CLDN18: variants seen among roughly 807,000 people sequenced by gnomAD.
The protein encoded by CLDN18 is claudin-18.
CLDN18 carries 20 observed loss-of-function variants against 25.0 expected under a neutral mutation model. That is an observed-to-expected ratio of 0.80 (90% confidence interval 0.56 to 1.16). CLDN18 has a LOEUF of 1.16. CLDN18 is among the 50% of genes most tolerant of loss of function. CLDN18 has a pLI of 0.00. For missense variants in CLDN18, 297 were observed against 345.4 expected, an observed-to-expected ratio of 0.86 and a Z score of 1.11; for synonymous variants, 125 against 135.6, an observed-to-expected ratio of 0.92 and a Z score of 0.54.
chr3:137,999,903 A>G (rs558817890), intron 1 of CLDN18, among the ~76,000 whole-genome samples: 9 of 152,356 alleles, frequency 5.9e-5, no homozygotes, highest in Non-Finnish European at 1.3e-4. Context: ...TAAGAGAGTA[A>G]GACAATGAAT....
At chr3:138,018,410 C>T (rs1942234041) in intron 1 of CLDN18, among the ~76,000 whole-genome samples, 2 of 146,580 alleles carry the variant, frequency 1.4e-5, no homozygotes, top group Non-Finnish European at 3.0e-5. Flanking sequence ...GATCTCGGCT[C>T]ACTGCAAGCT....
At chr3:138,027,859 A>G (rs1439236479) in intron 3 of CLDN18, among the ~76,000 whole-genome samples, 1 of 152,152 alleles carries the variant, frequency 6.6e-6, no homozygotes, top group African/African-American at 2.4e-5. Context: ...TCCCAGCCAC[A>G]CTGGGTAGGA....
At chr3:138,010,487 T>C in intron 1 of CLDN18, 42 bp downstream of exon 1, 1 of 1,609,860 alleles carries the variant, frequency 6.2e-7, no homozygotes, top group Non-Finnish European at 8.5e-7. Flanking sequence ...GTGAACCAGG[T>C]GAGCAGGGAA....
intron 1 of CLDN18, among the ~76,000 whole-genome samples, chr3:138,000,726 G>C (rs1942007296): frequency 6.6e-6 from 1 of 152,188 alleles, no homozygotes; most frequent in South Asian, 2.1e-4. Context: ...TGGTCAGTGA[G>C]GTCTCCCTCC....
At chr3:137,999,532 C>T (rs890061380) in intron 1 of CLDN18, among the ~76,000 whole-genome samples, 1 of 152,110 alleles carries the variant, frequency 6.6e-6, no homozygotes, top group Non-Finnish European at 1.5e-5. Context: ...CCAGGGACAC[C>T]TAAGTAAGCA....
At chr3:138,009,741 G>A (rs1301115048), upstream of CLDN18, among the ~76,000 whole-genome samples, 1 of 152,230 alleles carries the variant, frequency 6.6e-6, no homozygotes, top group Non-Finnish European at 1.5e-5. Context: ...GAAAAAAGTC[G>A]TTCATGAGTT....
chr3:138,023,338 A>G (rs796719013), intron 1 of CLDN18, among the ~76,000 whole-genome samples: 1 of 152,350 alleles, frequency 6.6e-6, no homozygotes, highest in African/African-American at 2.4e-5. Flanking sequence ...CCCCCAGATT[A>G]TCAAGCTTTA....
intron 1 of CLDN18, among the ~76,000 whole-genome samples, chr3:138,018,948 T>C (rs1942241402): frequency 6.6e-6 from 1 of 152,224 alleles, no homozygotes. Context: ...CTCTTGCCCA[T>C]AGCAATTCAC....
Position 138,031,385 on chromosome 3 carries a change from C to A in CLDN18, c.*244C>A. 5.9e-6 allele frequency: 2 copies of A among 340,892 alleles called. No individual in the cohort carries two copies. The allele number at this position is 340,892 out of a possible 1,614,324, so 21.1% of individuals were successfully genotyped here. A position where few individuals can be genotyped will look rare whatever the true frequency, so the allele number is the denominator to read the frequency against. On this transcript the variant is annotated 3_prime_UTR_variant, in exon 5 of 5. Coordinates refer to ENST00000183605, the MANE Select transcript of CLDN18 (RefSeq NM_016369.4). The stretch of plus-strand genomic sequence containing the variant: ...AGCTCACATTTTCAATCCTCTATTT[C>A]TTTTTTTAAATATAACTTTCTACTC...
At position 138,010,268 on chromosome 3, in the gene CLDN18, A is replaced by C. The variant is rs750585890; in HGVS notation, c.43A>C (p.Ile15Leu). 7.4e-6 allele frequency: 12 copies of C among 1,614,048 alleles called. No individual in the cohort carries two copies. Among genetic ancestry groups the C allele is most frequent in the Middle Eastern group, 1.7e-4 (1 of 6,060 alleles). Residue 15 changes from isoleucine (I) to leucine (L), a missense_variant, in exon 1 of 5, where the codon ATC (isoleucine) becomes CTC (leucine). Physicochemically the swap from Ile to Leu is conservative, Grantham distance 5. Coordinates refer to ENST00000183605, the MANE Select transcript of CLDN18 (RefSeq NM_016369.4). ...TCQVVAFLLS[I>L]LGLAGCIAAT... ...CCAAGTGGTGGCGTTCCTCCTGTCC[A>C]TCCTGGGGCTGGCCGGCTGCATCGC... is the stretch of plus-strand genomic sequence containing the variant.
intron 1 of CLDN18, among the ~76,000 whole-genome samples, chr3:138,003,899 C>T (rs1385971923): frequency 6.6e-6 from 1 of 152,226 alleles, no homozygotes; most frequent in Non-Finnish European, 1.5e-5. Context: ...AGGCCCGGCA[C>T]GGTGACTCAC....
intron 1 of CLDN18, among the ~76,000 whole-genome samples, chr3:138,011,867 G>A (rs932053965): frequency 6.6e-6 from 1 of 152,084 alleles, no homozygotes; most frequent in Non-Finnish European, 1.5e-5. Context: ...CGTCCACTGT[G>A]ACTTGTCACT....
In CLDN18 at chr3:138,031,906, T is replaced by C. The variant is rs1942400961; in HGVS notation, c.*765T>C. 6.6e-6 allele frequency: 1 copy of C among 152,166 alleles called. No individual in the cohort carries two copies. Among genetic ancestry groups the C allele is most frequent in the Admixed American group, 6.5e-5 (1 of 15,284 alleles). 9.4% of individuals were successfully genotyped at this position (152,166 alleles called of 1,614,324 possible). A position where few individuals can be genotyped will look rare whatever the true frequency, so the allele number is the denominator to read the frequency against. On this transcript the variant is annotated 3_prime_UTR_variant, in exon 5 of 5. Transcript: ENST00000183605. ...AAGTCCTAAATATAGTTAAAATAAA[T>C]AATGTTTTAGTAAAATGATACACTA...
chr3:138,008,370 G>A (rs1017164339), upstream of CLDN18, among the ~76,000 whole-genome samples: 6 of 152,128 alleles, frequency 3.9e-5, no homozygotes, highest in East Asian at 5.8e-4. Context: ...TTGGGAGGCC[G>A]AGGCAGGCAG....
At chr3:138,021,299 C>A (rs1010449889) in intron 1 of CLDN18, among the ~76,000 whole-genome samples, 1 of 151,118 alleles carries the variant, frequency 6.6e-6, no homozygotes, top group Non-Finnish European at 1.5e-5. Context: ...TTTTTCCATT[C>A]CCAAATTTTA....
At chr3:138,017,594 T>C (rs562962162) in intron 1 of CLDN18, among the ~76,000 whole-genome samples, 1 of 152,342 alleles carries the variant, frequency 6.6e-6, no homozygotes, top group Non-Finnish European at 1.5e-5. Flanking sequence ...GTCTGTTTAT[T>C]TCTCGCTATT....
chr3:138,006,453 G>A (rs560447459), upstream of CLDN18, among the ~76,000 whole-genome samples: 1 of 152,264 alleles, frequency 6.6e-6, no homozygotes, highest in East Asian at 1.9e-4. Flanking sequence ...AAACCTGAAT[G>A]CAGGGATGAT....
At chr3:138,025,114 T>C (rs1406094512) in intron 3 of CLDN18, among the ~76,000 whole-genome samples, 2 of 152,218 alleles carry the variant, frequency 1.3e-5, no homozygotes, top group African/African-American at 2.4e-5. Flanking sequence ...GAATAGAAAT[T>C]AGCAAGGTGA....
At chr3:138,011,809 A>G (rs1482264872) in intron 1 of CLDN18, among the ~76,000 whole-genome samples, 4 of 152,120 alleles carry the variant, frequency 2.6e-5, no homozygotes, top group South Asian at 2.1e-4. Context: ...GTCTCCATAC[A>G]TGGGGCTCCT....
Sources: allele counts gnomAD v4.1 joint callset (sites outside exome capture counted in the v4.1 genomes callset), GRCh38; gene constraint gnomAD v4.1.1; transcripts MANE v1.5; gene names NCBI Gene and HGNC (gene_info 2026-07-23, HGNC 2026-07-21).